THSD7A: variants seen among roughly 807,000 people sequenced by gnomAD.
THSD7A encodes the protein thrombospondin type 1 domain containing 7A, also known as thrombospondin type-1 domain-containing protein 7A.
Under a neutral mutation model 231.3 loss-of-function variants are expected in THSD7A, and 96 were observed. That is an observed-to-expected ratio of 0.41 (90% CI 0.35 to 0.49). The LOEUF is 0.49. Ranked by LOEUF, THSD7A falls within the 20% of genes least tolerant of loss-of-function variation. The probability of loss-of-function intolerance (pLI) is 0.05; values close to 1 mark genes in which losing one functional copy is unlikely to be tolerated. For synonymous variants in THSD7A, 940 were observed against 743.3 expected, an observed-to-expected ratio of 1.26 and a Z score of -4.30; for missense variants, 2,290 against 2,070.2, an observed-to-expected ratio of 1.11 and a Z score of -2.06.
At chr7:11,735,898 AT>A (rs771479407) in intron 1 of THSD7A, among the ~76,000 whole-genome samples, 8 of 151,962 alleles carry the variant, frequency 5.3e-5, no homozygotes, top group Non-Finnish European at 7.4e-5. Context: ...TATGTGAAAA[AT>A]ATATGACCAG....
intron 1 of THSD7A, among the ~76,000 whole-genome samples, chr7:11,768,797 GATATTT>G (rs1783112510): frequency 6.6e-6 from 1 of 151,860 alleles, no homozygotes. Flanking sequence ...CTAAGAATAT[GATATTT>G]AAATTTAAAA....
chr7:11,746,707 T>C (rs999197070), intron 1 of THSD7A, among the ~76,000 whole-genome samples: 2 of 151,866 alleles, frequency 1.3e-5, no homozygotes, highest in African/African-American at 4.8e-5. Flanking sequence ...CTTAATCATC[T>C]GGTAGAGGTA....
chr7:11,741,883 T>C (rs1464477511), intron 1 of THSD7A, among the ~76,000 whole-genome samples: 1 of 151,930 alleles, frequency 6.6e-6, no homozygotes. Flanking sequence ...CCAAAGCTCA[T>C]GTATATACAC....
At chr7:11,758,787 G>T (rs2128167314) in intron 1 of THSD7A, among the ~76,000 whole-genome samples, 1 of 152,168 alleles carries the variant, frequency 6.6e-6, no homozygotes, top group South Asian at 2.1e-4. Context: ...TAGATGACCG[G>T]ATAGTAAATA....
chr7:11,534,435 T>C (rs1788831569), intron 6 of THSD7A, among the ~76,000 whole-genome samples: 1 of 152,128 alleles, frequency 6.6e-6, no homozygotes. Context: ...ATCTAGCTTA[T>C]TGGAGGATGA....
At chr7:11,723,275 T>C (rs1389502916) in intron 1 of THSD7A, among the ~76,000 whole-genome samples, 2 of 127,654 alleles carry the variant, frequency 1.6e-5, no homozygotes, top group South Asian at 4.8e-4. Context: ...AATTGAACAA[T>C]GAGAACACAT....
intron 6 of THSD7A, among the ~76,000 whole-genome samples, chr7:11,535,983 C>G (rs537107486): frequency 6.6e-6 from 1 of 152,144 alleles, no homozygotes; most frequent in South Asian, 2.1e-4. Flanking sequence ...ACAAAAGGTA[C>G]TCCCCTGATA....
At position 11,712,902 on chromosome 7, in the gene THSD7A, A is replaced by T. The variant is rs574082981; in HGVS notation, c.191-75941T>A. On this transcript the variant is annotated intron_variant, in intron 1 of 27. Coordinates refer to ENST00000423059, the MANE Select transcript of THSD7A (RefSeq NM_015204.3). ...TTCCCAGAGCAGAAAATAATACTAG[A>T]TTCTAGATGAACTTAAGTATCTTCC... Among the ~76,000 whole-genome samples the T allele has an allele frequency of 4.0e-5, 6 of 151,258 alleles. 1 individual carries two copies. In the East Asian group the frequency reaches 1.2e-3, roughly 30 times the overall value.
At chr7:11,786,425 T>C (rs1783795301) in intron 1 of THSD7A, among the ~76,000 whole-genome samples, 2 of 152,092 alleles carry the variant, frequency 1.3e-5, no homozygotes, top group African/African-American at 2.4e-5. Flanking sequence ...TTCCACATTT[T>C]CTGCCTGGAA....
At chr7:11,686,234 T>A (rs1037562990) in intron 1 of THSD7A, among the ~76,000 whole-genome samples, 1 of 151,712 alleles carries the variant, frequency 6.6e-6, no homozygotes, top group African/African-American at 2.4e-5. Flanking sequence ...AACTGTTAGG[T>A]ACTATATTCA....
intron 1 of THSD7A, among the ~76,000 whole-genome samples, chr7:11,788,444 T>C (rs1355784584): frequency 6.6e-6 from 1 of 152,084 alleles, no homozygotes; most frequent in Non-Finnish European, 1.5e-5. Flanking sequence ...CCAATCCTCA[T>C]GCCCATTTTG....
intron 2 of THSD7A, among the ~76,000 whole-genome samples, chr7:11,607,213 G>A (rs1228567850): frequency 4.6e-5 from 7 of 152,098 alleles, no homozygotes; most frequent in Non-Finnish European, 7.4e-5. Flanking sequence ...TATGTTTTCC[G>A]ACAAATCTAT....
At chr7:11,642,002 A>T (rs1053632061) in intron 1 of THSD7A, among the ~76,000 whole-genome samples, 4 of 152,184 alleles carry the variant, frequency 2.6e-5, no homozygotes, top group African/African-American at 9.6e-5. Context: ...CACATTCAAT[A>T]GAAAAGGGAC....
At chr7:11,665,253 A>AT (rs1362305655) in intron 1 of THSD7A, among the ~76,000 whole-genome samples, 1 of 152,080 alleles carries the variant, frequency 6.6e-6, no homozygotes, top group African/African-American at 2.4e-5. Context: ...ACGCCAAAGG[A>AT]TTTTTTAATT....
Position 11,831,838 on chromosome 7 carries a change from GCA to G in THSD7A, c.107_108del (p.Leu36ProfsTer37). 2 of 1,403,238 alleles carry G rather than the reference GCA, an allele frequency of 1.4e-6. No individual in the cohort carries two copies. The highest frequency in any genetic ancestry group is 1.8e-5 in the South Asian group (1 of 57,068). The allele number at this position is 1,403,238 out of a possible 1,614,324, so 86.9% of individuals were successfully genotyped here. ...CCGGCGCCCGGGCGTAGCAGCAGCA[GCA>G]GGAGCAGCGGCAGCGGCAGCGGCAG... ...LPLPLPLPLL[L>X]LLLLRPGAGR... On this transcript the variant is annotated frameshift_variant, in exon 1 of 28. Coordinates refer to ENST00000423059, the MANE Select transcript of THSD7A (RefSeq NM_015204.3). LOFTEE classifies it high-confidence loss of function. This position sits in a 1 kb window ranked among gnomAD's most constrained non-coding sequence, Gnocchi z 5.0.
chr7:11,560,289 C>G (rs1358305049), intron 4 of THSD7A, among the ~76,000 whole-genome samples: 1 of 152,140 alleles, frequency 6.6e-6, no homozygotes. Flanking sequence ...TATCAGGGAC[C>G]TGGCCTGACA....
At chr7:11,426,217 G>A (rs1784316809) in intron 15 of THSD7A, among the ~76,000 whole-genome samples, 1 of 152,154 alleles carries the variant, frequency 6.6e-6, no homozygotes, top group Non-Finnish European at 1.5e-5. Flanking sequence ...AAGAAAAACT[G>A]AAGGAGAAAT....
chr7:11,647,858 T>A (rs969802176), intron 1 of THSD7A, among the ~76,000 whole-genome samples: 1 of 152,082 alleles, frequency 6.6e-6, no homozygotes, highest in Non-Finnish European at 1.5e-5. Flanking sequence ...AAGCTTATAC[T>A]AACTACTGCG....
intron 3 of THSD7A, among the ~76,000 whole-genome samples, chr7:11,591,151 A>T (rs1240794942): frequency 3.3e-5 from 4 of 121,702 alleles, no homozygotes; most frequent in Non-Finnish European, 1.6e-5. Context: ...ATTGTCAAGA[A>T]TAAGATTTTT....
Sources: allele counts gnomAD v4.1 joint callset (sites outside exome capture counted in the v4.1 genomes callset), GRCh38; gene constraint gnomAD v4.1.1; non-coding constraint Gnocchi (gnomAD v3.1); transcripts MANE v1.5; gene names NCBI Gene and HGNC (gene_info 2026-07-23, HGNC 2026-07-21).